ADGRB3: variants seen among roughly 807,000 people sequenced by gnomAD.
ADGRB3 encodes brain-specific angiogenesis inhibitor 3.
ADGRB3 carries 37 observed loss-of-function variants against 193.4 expected under a neutral mutation model. That is an observed-to-expected ratio of 0.19 (90% CI 0.15 to 0.25). The LOEUF (loss-of-function observed/expected upper bound fraction) is 0.25, where lower values mean the gene tolerates loss of function less well. Among genes scored for constraint, ADGRB3 ranks in the 10% least tolerant of loss-of-function variants. The probability of loss-of-function intolerance (pLI) is 1.00; values close to 1 mark genes in which losing one functional copy is unlikely to be tolerated. For synonymous variants in ADGRB3, 690 were observed against 644.2 expected (o/e 1.07, Z -1.08); for missense variants, 1,637 against 1,852.9 (o/e 0.88, Z 2.14).
chr6:68,987,791 C>T (rs925736375), intron 10 of ADGRB3, among the ~76,000 whole-genome samples: 40 of 152,018 alleles, frequency 2.6e-4, no homozygotes, highest in Non-Finnish European at 2.2e-4. Context: ...AAGTGAGGTA[C>T]CCCTTATAAA....
intron 3 of ADGRB3, among the ~76,000 whole-genome samples, chr6:68,793,841 T>G (rs765389596): frequency 2.6e-5 from 4 of 152,156 alleles, no homozygotes; most frequent in Non-Finnish European, 5.9e-5. Context: ...TATTTAAAAT[T>G]TTTAATTGGA....
At chr6:69,070,455 C>T (rs1231793319) in intron 16 of ADGRB3, among the ~76,000 whole-genome samples, 4 of 152,108 alleles carry the variant, frequency 2.6e-5, no homozygotes, top group African/African-American at 9.7e-5. Flanking sequence ...CACAAAGTTT[C>T]AGTAGATGCA....
intron 20 of ADGRB3, among the ~76,000 whole-genome samples, chr6:69,261,605 A>G (rs2127273658): frequency 6.6e-6 from 1 of 152,202 alleles, no homozygotes; most frequent in East Asian, 1.9e-4. Flanking sequence ...GTCCTAAATG[A>G]ATAAATGTAT....
At chr6:69,364,422 C>T (rs1328785681) in intron 29 of ADGRB3, among the ~76,000 whole-genome samples, 1 of 152,016 alleles carries the variant, frequency 6.6e-6, no homozygotes, top group Non-Finnish European at 1.5e-5. Flanking sequence ...GAAGTCAGTG[C>T]CAGCACAACA....
At chr6:69,199,393 G>A (rs186353499) in intron 17 of ADGRB3, among the ~76,000 whole-genome samples, 372 of 151,962 alleles carry the variant, frequency 2.4e-3, no homozygotes, top group Middle Eastern at 0.01. Context: ...TGATAGATAG[G>A]GATAGTAGTA....
chr6:69,040,707 A>T (rs542264785), intron 13 of ADGRB3, among the ~76,000 whole-genome samples: 9 of 60,460 alleles, frequency 1.5e-4, no homozygotes, highest in African/African-American at 6.1e-4. Flanking sequence ...AAAAAAAAAA[A>T]AACAAACAAG....
intron 20 of ADGRB3, among the ~76,000 whole-genome samples, chr6:69,324,601 T>C (rs1485392947): frequency 1.3e-5 from 2 of 152,162 alleles, no homozygotes; most frequent in East Asian, 1.9e-4. Context: ...ATAATTTTAA[T>C]CTCCCTTGAG....
At chr6:69,316,762 T>C (rs986389617) in intron 20 of ADGRB3, among the ~76,000 whole-genome samples, 1 of 151,422 alleles carries the variant, frequency 6.6e-6, no homozygotes, top group East Asian at 1.9e-4. Flanking sequence ...GCAGGTAATA[T>C]AGAAGTTGAA....
rs1441761466 is a variant in ADGRB3 at position 69,376,020 on chromosome 6, A to T, written c.4275+3579A>T. On this transcript the variant is annotated intron_variant, in intron 30 of 31. Coordinates refer to ENST00000370598, the MANE Select transcript of ADGRB3 (RefSeq NM_001704.3). ...TTGTCATACGGATATGTCTTTTTTA[A>T]TCTTCACTTCCAAAAATGCAGAGAT... Among the ~76,000 whole-genome samples the T allele has an allele frequency of 9.2e-5, 14 of 151,370 alleles. No homozygotes were observed. The East Asian group carries it at 2.5e-3, about 27-fold the overall frequency.
At chr6:69,376,955 G>A (rs1033114572) in intron 30 of ADGRB3, among the ~76,000 whole-genome samples, 4 of 151,968 alleles carry the variant, frequency 2.6e-5, no homozygotes, top group Non-Finnish European at 5.9e-5. Context: ...TTCAGACCCT[G>A]CATCTAGTTT....
At chr6:69,188,520 G>A (rs1044013563) in intron 17 of ADGRB3, among the ~76,000 whole-genome samples, 2 of 152,120 alleles carry the variant, frequency 1.3e-5, no homozygotes, top group Non-Finnish European at 2.9e-5. Flanking sequence ...TGTTGGTCAG[G>A]CTGGTCGTGA....
chr6:69,234,646 A>G (rs1766221881), intron 18 of ADGRB3, among the ~76,000 whole-genome samples: 1 of 152,186 alleles, frequency 6.6e-6, no homozygotes, highest in Admixed American at 6.5e-5. Context: ...CAAGAATCAT[A>G]TTGTGAAATG....
At chr6:68,876,685 A>T (rs1234373079) in intron 3 of ADGRB3, among the ~76,000 whole-genome samples, 1 of 152,132 alleles carries the variant, frequency 6.6e-6, no homozygotes, top group Non-Finnish European at 1.5e-5. Context: ...CTTTTTATGG[A>T]TGTACCAAAA....
chr6:69,012,277 G>T (rs1281341197), intron 11 of ADGRB3, among the ~76,000 whole-genome samples: 1 of 151,878 alleles, frequency 6.6e-6, no homozygotes, highest in East Asian at 1.9e-4. Flanking sequence ...TGTTCTCTTG[G>T]TGTCTCTTGT....
intron 2 of ADGRB3, among the ~76,000 whole-genome samples, chr6:68,638,077 G>T (rs940019533): frequency 2.0e-5 from 3 of 152,222 alleles, no homozygotes; most frequent in Admixed American, 2.0e-4. Context: ...GGCAAGTGGG[G>T]CATTTGGGAG....
At chr6:69,151,001 G>C (rs1041541572) in intron 17 of ADGRB3, among the ~76,000 whole-genome samples, 1 of 152,206 alleles carries the variant, frequency 6.6e-6, no homozygotes, top group African/African-American at 2.4e-5. Flanking sequence ...TCCACATTAT[G>C]CTTTCTTCTC....
intron 20 of ADGRB3, among the ~76,000 whole-genome samples, chr6:69,295,523 A>T (rs931826413): frequency 2.0e-5 from 3 of 152,162 alleles, no homozygotes. Flanking sequence ...TGGAAAGCAC[A>T]GAGAGCCTCC....
chr6:69,029,955 T>TATATATATG (rs1395032372), intron 13 of ADGRB3, among the ~76,000 whole-genome samples: 2 of 146,090 alleles, frequency 1.4e-5, no homozygotes, highest in Non-Finnish European at 3.0e-5. Context: ...AACATATATA[T>TATATATATG]ATATATATGA....
chr6:68,971,440 T>C (rs1279402623), intron 8 of ADGRB3, among the ~76,000 whole-genome samples: 1 of 152,182 alleles, frequency 6.6e-6, no homozygotes, highest in East Asian at 1.9e-4. Flanking sequence ...AGGTCTCACA[T>C]CTTGCCAATA....
Sources: allele counts gnomAD v4.1 joint callset (sites outside exome capture counted in the v4.1 genomes callset), GRCh38; gene constraint gnomAD v4.1.1; transcripts MANE v1.5; gene names NCBI Gene and HGNC (gene_info 2026-07-23, HGNC 2026-07-21).